The following PPP1R12B variants were observed in gnomAD, a reference collection of about 807,000 sequenced individuals.
The protein encoded by PPP1R12B is protein phosphatase 1 regulatory subunit 12B, also known as myosin phosphatase target subunit 2.
In PPP1R12B, 76 loss-of-function variants were observed where a neutral mutation model predicts 126.1. The ratio of observed to expected loss-of-function variants is 0.60; its 90% CI spans 0.50 to 0.73. The LOEUF (loss-of-function observed/expected upper bound fraction) is 0.73, where lower values mean the gene tolerates loss of function less well. Ranked by LOEUF, PPP1R12B falls within the 30% of genes least tolerant of loss-of-function variation. The probability of loss-of-function intolerance (pLI) is 0.00; values close to 1 mark genes in which losing one functional copy is unlikely to be tolerated. For synonymous variants in PPP1R12B, 356 were observed against 434.7 expected (o/e 0.82, Z 2.25); for missense variants, 1,052 against 1,205.1 (o/e 0.87, Z 1.88).
intron 18 of PPP1R12B, among the ~76,000 whole-genome samples, chr1:202,551,998 C>T (rs1337707552): frequency 6.6e-6 from 1 of 152,168 alleles, no homozygotes; most frequent in Non-Finnish European, 1.5e-5. Flanking sequence ...TGATTTCAGA[C>T]CGTTGAGAAC....
chr1:202,413,175 A>G (rs1667625958), intron 1 of PPP1R12B, among the ~76,000 whole-genome samples: 1 of 151,932 alleles, frequency 6.6e-6, no homozygotes, highest in Admixed American at 6.6e-5. Flanking sequence ...TCAAACCTAG[A>G]TTGACAGTTT....
intron 1 of PPP1R12B, among the ~76,000 whole-genome samples, chr1:202,371,241 A>C (rs1660203508): frequency 7.0e-6 from 1 of 143,238 alleles, no homozygotes; most frequent in South Asian, 2.2e-4. Flanking sequence ...GGCTGGTCTC[A>C]AACTCCTGGG....
At chr1:202,439,555 C>T (rs1301285821) in intron 10 of PPP1R12B, 1 of 1,489,266 alleles carries the variant, frequency 6.7e-7, no homozygotes, top group Admixed American at 1.9e-5. Flanking sequence ...GTGGTCACTC[C>T]TGCCAGGAAC....
At position 202,348,744 on chromosome 1, in the gene PPP1R12B, GC is replaced by G; in HGVS notation, c.-105del. The stretch of plus-strand genomic sequence containing the variant: ...TAAAGATGGCGGCGCGAGGGTCTCC[GC>G]CCTCTGCTCCGGGCTGAAGCGCTCT... On this transcript the variant is annotated 5_prime_UTR_variant, in exon 1 of 24. It removes the in-frame stop codon of an upstream open reading frame in the 5' UTR. Coordinates refer to ENST00000608999, the MANE Select transcript of PPP1R12B (RefSeq NM_002481.4). 7.3e-7 allele frequency: 1 copy of G among 1,378,502 alleles called. No individual in the cohort carries two copies. The allele number at this position is 1,378,502 out of a possible 1,614,324, so 85.4% of individuals were successfully genotyped here.
At chr1:202,547,694 G>C (rs977164039) in intron 18 of PPP1R12B, among the ~76,000 whole-genome samples, 15 of 152,168 alleles carry the variant, frequency 9.9e-5, no homozygotes, top group Admixed American at 6.5e-5. Flanking sequence ...ACTTTACATG[G>C]TTGGTTGTCT....
Position 202,348,833 on chromosome 1 carries a change from A to T in PPP1R12B, c.-19A>T, listed in dbSNP as rs1224489114. The stretch of plus-strand genomic sequence containing the variant: ...ATTTAGTGTTGGTAGTTTTGGCAGC[A>T]GCTGCCGAGGCCGGAGCAATGGCGG... On this transcript the variant is annotated 5_prime_UTR_variant, in exon 1 of 24. Transcript: ENST00000608999. 1 of 1,595,360 alleles carries T rather than the reference A, an allele frequency of 6.3e-7. No individual in the cohort carries two copies. Among genetic ancestry groups the T allele is most frequent in the African/African-American group, 1.4e-5 (1 of 73,986 alleles).
chr1:202,371,858 C>CTTTTTTTTTTTT (rs1193939057), intron 1 of PPP1R12B, among the ~76,000 whole-genome samples: 4 of 75,342 alleles, frequency 5.3e-5, no homozygotes, highest in Non-Finnish European at 7.5e-5. Context: ...ATTATAGTTT[C>CTTTTTTTTTTTT]TTTTTTTTTT....
chr1:202,457,457 G>A lies in PPP1R12B; in HGVS notation c.1850+8286G>A, dbSNP rs536353975. 5.3e-5 allele frequency among the ~76,000 whole-genome samples: 8 copies of A among 152,004 alleles called. No homozygotes were observed. The East Asian group carries it at 1.2e-3, about 22-fold the overall frequency. On this transcript the variant is annotated intron_variant, in intron 13 of 23. Transcript: ENST00000608999. ...AATCCCAGCTACTAAGGAGGCCGAG[G>A]CAGGAGAATCACTTGAACCTGGGAC...
intron 17 of PPP1R12B, 93 bp downstream of exon 17, chr1:202,495,775 A>G (rs1402191327): frequency 3.0e-5 from 33 of 1,113,684 alleles, no homozygotes; most frequent in Non-Finnish European, 4.1e-5. Flanking sequence ...GCATGGTGCC[A>G]TGAATCTTGC....
chr1:202,504,044 C>T (rs184414388), intron 18 of PPP1R12B, among the ~76,000 whole-genome samples: 1 of 152,206 alleles, frequency 6.6e-6, no homozygotes, highest in African/African-American at 2.4e-5. Context: ...TCTCCTTTGC[C>T]AAATTTTCTT....
chr1:202,457,523 A>G (rs1673786411), intron 13 of PPP1R12B, among the ~76,000 whole-genome samples: 2 of 151,938 alleles, frequency 1.3e-5, no homozygotes, highest in South Asian at 2.1e-4. Context: ...ATTGCTCTCC[A>G]GCCTGGGAGA....
intron 1 of PPP1R12B, among the ~76,000 whole-genome samples, chr1:202,402,785 A>G (rs1666035790): frequency 6.6e-6 from 1 of 152,240 alleles, no homozygotes; most frequent in African/African-American, 2.4e-5. Context: ...TAACATATAC[A>G]GACATTTGTC....
At chr1:202,446,399 G>A (rs1273780660) in intron 12 of PPP1R12B, among the ~76,000 whole-genome samples, 1 of 147,492 alleles carries the variant, frequency 6.8e-6, no homozygotes, top group Non-Finnish European at 1.5e-5. Flanking sequence ...GACTACAGGC[G>A]CATGCCACCA....
intron 18 of PPP1R12B, among the ~76,000 whole-genome samples, chr1:202,511,771 ATT>A (rs772556181): frequency 0.18 from 19,788 of 107,282 alleles, 1,514 homozygotes; most frequent in East Asian, 0.44. Context: ...ATATACCACA[ATT>A]TTTTTTTTTT....
At chr1:202,411,389 C>T (rs1558191646) in intron 1 of PPP1R12B, among the ~76,000 whole-genome samples, 1 of 151,938 alleles carries the variant, frequency 6.6e-6, no homozygotes, top group South Asian at 2.1e-4. Context: ...TAACTGGGTG[C>T]ATACTATTTT....
intron 1 of PPP1R12B, among the ~76,000 whole-genome samples, chr1:202,409,410 C>T (rs1667094838): frequency 1.3e-5 from 2 of 151,782 alleles, no homozygotes; most frequent in African/African-American, 4.8e-5. Flanking sequence ...CAACCTCCAC[C>T]TCCTGGGTTC....
At chr1:202,546,452 A>G (rs1685660128) in intron 18 of PPP1R12B, among the ~76,000 whole-genome samples, 1 of 152,148 alleles carries the variant, frequency 6.6e-6, no homozygotes, top group Non-Finnish European at 1.5e-5. Context: ...AAAAATTGTT[A>G]AACTAGCCAG....
In PPP1R12B at chr1:202,360,432, G is replaced by A. The variant is rs559961169; in HGVS notation, c.291+11290G>A. Among the ~76,000 whole-genome samples, 6 of 152,134 alleles carry A rather than the reference G, an allele frequency of 3.9e-5. No individual in the cohort carries two copies. In the South Asian group the frequency reaches 1.2e-3, roughly 32 times the overall value. Reference sequence around the variant, plus strand: ...CAGCTTAAAAAATGTAAATTGGCCGGGTGCAGTGGCTTACACCTGTAATCA... The same window carrying A: ...CAGCTTAAAAAATGTAAATTGGCCGAGTGCAGTGGCTTACACCTGTAATCA... On this transcript the variant is annotated intron_variant, in intron 1 of 23. Coordinates refer to ENST00000608999, the MANE Select transcript of PPP1R12B (RefSeq NM_002481.4).
intron 1 of PPP1R12B, among the ~76,000 whole-genome samples, chr1:202,385,212 G>A (rs1339109048): frequency 1.3e-5 from 2 of 152,110 alleles, no homozygotes; most frequent in African/African-American, 4.8e-5. Context: ...ATCTTCCTTA[G>A]CATCTCAGAA....
Sources: gnomAD v4.1 joint callset for allele counts (sites outside exome capture counted in the v4.1 genomes callset) on GRCh38, gnomAD v4.1.1 for gene constraint, MANE v1.5 for transcripts, NCBI Gene and HGNC (gene_info 2026-07-23, HGNC 2026-07-21) for gene names.